Variants in KAZN observed in about 807,000 individuals in gnomAD.
KAZN encodes kazrin, periplakin interacting protein, also known as kazrin.
In KAZN, 40 loss-of-function variants were observed where a neutral mutation model predicts 87.4. That is an observed-to-expected ratio of 0.46 (90% CI 0.36 to 0.60). The LOEUF is 0.60. Among genes scored for constraint, KAZN ranks in the 20% least tolerant of loss-of-function variants. The probability of loss-of-function intolerance (pLI) is 0.00; values close to 1 mark genes in which losing one functional copy is unlikely to be tolerated. For synonymous variants in KAZN, 466 were observed against 458.3 expected (o/e 1.02, Z -0.22); for missense variants, 898 against 1,073.9 (o/e 0.84, Z 2.29).
intron 1 of KAZN, among the ~76,000 whole-genome samples, chr1:13,905,841 G>A (rs1188174102): frequency 6.6e-6 from 1 of 151,970 alleles, no homozygotes; most frequent in South Asian, 2.1e-4. Flanking sequence ...CCACAACCTC[G>A]GTGACTTAAA....
At chr1:14,291,457 G>A (rs1038768909) in intron 2 of KAZN, among the ~76,000 whole-genome samples, 2 of 152,220 alleles carry the variant, frequency 1.3e-5, no homozygotes, top group Non-Finnish European at 2.9e-5. Flanking sequence ...TGCTAGCAGT[G>A]AGCAAGGCTC....
intron 2 of KAZN, among the ~76,000 whole-genome samples, chr1:15,006,490 C>G (rs1033489904): frequency 1.3e-5 from 2 of 152,314 alleles, no homozygotes; most frequent in East Asian, 3.9e-4. Context: ...CTATCTTTCC[C>G]GTCATCATAT....
intron 2 of KAZN, among the ~76,000 whole-genome samples, chr1:14,383,107 T>C (rs1661522379): frequency 1.3e-5 from 2 of 152,120 alleles, no homozygotes; most frequent in Admixed American, 6.5e-5. Flanking sequence ...TTTGGCTGCA[T>C]AAATGTCTTC....
intron 1 of KAZN, among the ~76,000 whole-genome samples, chr1:14,721,456 G>C (rs914098348): frequency 8.5e-5 from 13 of 152,218 alleles, no homozygotes; most frequent in Non-Finnish European, 1.5e-4. Flanking sequence ...AAATTACTGA[G>C]TTTCAGGTAT....
chr1:14,420,561 C>T (rs180911809), intron 2 of KAZN, among the ~76,000 whole-genome samples: 3 of 152,290 alleles, frequency 2.0e-5, no homozygotes, highest in Admixed American at 1.3e-4. Context: ...GGGGTGCGCT[C>T]GTCGGGGAGG....
intron 2 of KAZN, among the ~76,000 whole-genome samples, chr1:14,250,044 C>G (rs1273142953): frequency 1.3e-5 from 2 of 152,234 alleles, no homozygotes; most frequent in East Asian, 3.9e-4. Flanking sequence ...AAGATATTTT[C>G]TAGACTTACA....
At chr1:14,010,767 A>G (rs567738839) in intron 1 of KAZN, among the ~76,000 whole-genome samples, 1 of 152,346 alleles carries the variant, frequency 6.6e-6, no homozygotes, top group South Asian at 2.1e-4. Context: ...GCCCAAAAGG[A>G]TCTGAGTGAC....
At chr1:14,722,518 A>G (rs995801405) in intron 1 of KAZN, among the ~76,000 whole-genome samples, 9 of 152,248 alleles carry the variant, frequency 5.9e-5, no homozygotes, top group Admixed American at 5.2e-4. Flanking sequence ...TGTTTTCAAT[A>G]AATATGAAAA....
chr1:14,776,808 T>C (rs1645186228), intron 1 of KAZN, among the ~76,000 whole-genome samples: 1 of 151,894 alleles, frequency 6.6e-6, no homozygotes, highest in Non-Finnish European at 1.5e-5. Flanking sequence ...TAGTGGCGCA[T>C]ACCTGCAGTC....
chr1:14,593,157 T>TAA (rs1317576142), intron 2 of KAZN, among the ~76,000 whole-genome samples: 1 of 152,196 alleles, frequency 6.6e-6, no homozygotes, highest in Non-Finnish European at 1.5e-5. Context: ...AAGAATAAAA[T>TAA]AAGAGAACTG....
intron 1 of KAZN, among the ~76,000 whole-genome samples, chr1:13,998,487 G>A (rs1211791660): frequency 2.6e-5 from 4 of 152,114 alleles, no homozygotes; most frequent in Non-Finnish European, 5.9e-5. Flanking sequence ...CTCAACTCAT[G>A]TGCAAAGACA....
At chr1:14,222,068 AGTCC>A (rs1647112846) in intron 2 of KAZN, 1 of 152,190 alleles carries the variant, frequency 6.6e-6, no homozygotes, top group African/African-American at 2.4e-5. Flanking sequence ...AATTGCCAGA[AGTCC>A]TTGTCAGTGA....
At chr1:14,295,692 G>C (rs746175492) in intron 2 of KAZN, among the ~76,000 whole-genome samples, 1 of 152,026 alleles carries the variant, frequency 6.6e-6, no homozygotes, top group Non-Finnish European at 1.5e-5. Flanking sequence ...ACACACATGC[G>C]CAGATACACC....
intron 2 of KAZN, among the ~76,000 whole-genome samples, chr1:14,592,609 G>C (rs1402029116): frequency 6.6e-6 from 1 of 152,188 alleles, no homozygotes; most frequent in African/African-American, 2.4e-5. Flanking sequence ...GAAGACCAGA[G>C]GCTTGTGGCT....
intron 2 of KAZN, among the ~76,000 whole-genome samples, chr1:14,406,091 A>G (rs1349512708): frequency 2.0e-5 from 3 of 152,168 alleles, no homozygotes; most frequent in African/African-American, 7.2e-5. Context: ...GAAATAACAT[A>G]AAGAATGTAA....
intron 1 of KAZN, among the ~76,000 whole-genome samples, chr1:14,685,526 G>A (rs147958425): frequency 4.0e-4 from 61 of 152,308 alleles, no homozygotes; most frequent in African/African-American, 1.4e-3. Flanking sequence ...GAGGACCAGG[G>A]CCTCCAAATG....
At chr1:14,228,294 T>C (rs1422911532) in intron 2 of KAZN, among the ~76,000 whole-genome samples, 2 of 152,208 alleles carry the variant, frequency 1.3e-5, no homozygotes, top group East Asian at 3.8e-4. Flanking sequence ...ACAACAACCT[T>C]ACAGCAAATA....
intron 1 of KAZN, among the ~76,000 whole-genome samples, chr1:14,064,776 A>G (rs561560142): frequency 1.3e-5 from 2 of 152,222 alleles, no homozygotes; most frequent in South Asian, 2.1e-4. Flanking sequence ...CGCTCAGGTG[A>G]CTGTGCTTCT....
At chr1:14,618,128 A>T (rs1040207372) in intron 1 of KAZN, among the ~76,000 whole-genome samples, 1 of 152,162 alleles carries the variant, frequency 6.6e-6, no homozygotes, top group Non-Finnish European at 1.5e-5. Flanking sequence ...ATGCTGCGAG[A>T]TGGCAGCTGA....
Sources: allele counts gnomAD v4.1 joint callset (sites outside exome capture counted in the v4.1 genomes callset), GRCh38; gene constraint gnomAD v4.1.1; transcripts MANE v1.5; gene names NCBI Gene and HGNC (gene_info 2026-07-23, HGNC 2026-07-21).